Variants in NCOA7 observed in about 807,000 individuals in gnomAD.
NCOA7 encodes nuclear receptor coactivator 7.
Under a neutral mutation model 104.3 loss-of-function variants are expected in NCOA7, and 45 were observed. The ratio of observed to expected loss-of-function variants is 0.43; its 90% CI spans 0.34 to 0.55. NCOA7 has a LOEUF of 0.55. Ranked by LOEUF, NCOA7 falls within the 20% of genes least tolerant of loss-of-function variation. The pLI is 0.02. For missense variants in NCOA7, 1,041 were observed against 1,119.7 expected, an observed-to-expected ratio of 0.93 and a Z score of 1.00; for synonymous variants, 398 against 402.3, an observed-to-expected ratio of 0.99 and a Z score of 0.13.
Position 125,889,754 on chromosome 6 carries a change from C to T in NCOA7, c.1700C>T (p.Ala567Val), listed in dbSNP as rs569408777. ...ACCCTTAGTAGTTCTCTTTCCCAGG[C>T]GGGTGATCCCATAACTGAGGGCAAT... ...DITLSSSLSQAGDPITEGNKE... is the reference protein window; with the variant it reads ...DITLSSSLSQVGDPITEGNKE... Residue 567 changes from alanine to valine, a missense_variant, in exon 9 of 16, where the codon GCG becomes GTG. Around this residue, in one of 2 missense-constraint regions of NCOA7, gnomAD observed 914 missense variants for 942.7 expected, o/e 0.97. Coordinates refer to ENST00000392477, the MANE Select transcript of NCOA7 (RefSeq NM_181782.5). 4.4e-5 allele frequency: 71 copies of T among 1,612,194 alleles called. No individual in the cohort carries two copies. Among genetic ancestry groups the T allele is most frequent in the South Asian group, 2.6e-4 (24 of 90,740 alleles).
intron 3 of NCOA7, among the ~76,000 whole-genome samples, chr6:125,857,706 G>A (rs934482445): frequency 1.3e-5 from 2 of 151,944 alleles, no homozygotes; most frequent in African/African-American, 4.8e-5. Flanking sequence ...GATAACAGGT[G>A]CACACCATCA....
At chr6:125,803,197 A>T (rs2128555407) in intron 1 of NCOA7, among the ~76,000 whole-genome samples, 2 of 152,198 alleles carry the variant, frequency 1.3e-5, no homozygotes, top group East Asian at 3.9e-4. Flanking sequence ...GGGATGTCCC[A>T]CTTTTAAGAC....
chr6:125,881,874 A>G (rs182374422), intron 6 of NCOA7, among the ~76,000 whole-genome samples: 34 of 152,092 alleles, frequency 2.2e-4, no homozygotes, highest in Admixed American at 1.7e-3. Context: ...TGTGTGAGAC[A>G]GAGTCTTTCT....
intron 11 of NCOA7, among the ~76,000 whole-genome samples, chr6:125,916,194 C>G (rs886562852): frequency 6.6e-6 from 1 of 152,160 alleles, no homozygotes; most frequent in Non-Finnish European, 1.5e-5. Flanking sequence ...TGGCAGTTTC[C>G]GCTACGCTCG....
chr6:125,920,010 A>G (rs1294171940), intron 11 of NCOA7, among the ~76,000 whole-genome samples: 3 of 152,250 alleles, frequency 2.0e-5, no homozygotes. Context: ...AAGAAGCCTA[A>G]TATACACTCT....
intron 2 of NCOA7, among the ~76,000 whole-genome samples, chr6:125,851,216 A>G (rs2456108): frequency 0.24 from 36,976 of 151,932 alleles, 5,095 homozygotes; most frequent in African/African-American, 0.39. Flanking sequence ...CTGTCAACTG[A>G]GTAATGTACA....
chr6:125,823,178 C>CA (rs1554263540), intron 2 of NCOA7, among the ~76,000 whole-genome samples: 1 of 152,098 alleles, frequency 6.6e-6, no homozygotes, highest in East Asian at 1.9e-4. Flanking sequence ...TCAATCCCCC[C>CA]GCAAATGGAC....
Position 125,916,203 on chromosome 6 carries a change from C to T in NCOA7, c.2244+723C>T, listed in dbSNP as rs945251938. 2.6e-5 allele frequency among the ~76,000 whole-genome samples: 4 copies of T among 152,180 alleles called. No homozygotes were observed. In the East Asian group the frequency reaches 7.7e-4, roughly 29 times the overall value. On this transcript the variant is annotated intron_variant, in intron 11 of 15. Coordinates refer to ENST00000392477, the MANE Select transcript of NCOA7 (RefSeq NM_181782.5). ...TAAAAGTGGCAGTTTCCGCTACGCT[C>T]GCTCGCTCTCCTGCCGCCTTGTGAA...
At chr6:125,855,957 C>A (rs1781516312) in intron 3 of NCOA7, among the ~76,000 whole-genome samples, 2 of 152,108 alleles carry the variant, frequency 1.3e-5, no homozygotes, top group African/African-American at 4.8e-5. Context: ...TGAAATGAGT[C>A]CATAGTGTTA....
At position 125,889,542 on chromosome 6, in the gene NCOA7, G is replaced by A; in HGVS notation, c.1488G>A (p.Val496=). The A allele has an allele frequency of 6.2e-7, 1 of 1,614,002 alleles. No homozygotes were observed. Among genetic ancestry groups the A allele is most frequent in the Non-Finnish European group, 8.5e-7 (1 of 1,179,946 alleles). The change falls in exon 9 of 16, where the codon GTG becomes GTA. Residue 496 remains valine, a synonymous_variant. Coordinates refer to ENST00000392477, the MANE Select transcript of NCOA7 (RefSeq NM_181782.5). ...TCEKQDIMPE[V]DKQSGSPESR... is the part of the protein sequence containing the mutation. ...AGAAGCAAGATATAATGCCAGAAGT[G>A]GACAAGCAGTCTGGTTCGCCAGAAA...
intron 2 of NCOA7, among the ~76,000 whole-genome samples, chr6:125,833,454 G>A (rs552874913): frequency 7.2e-4 from 110 of 152,040 alleles, no homozygotes; most frequent in Non-Finnish European, 1.4e-3. Flanking sequence ...GGTGTGACAG[G>A]CTCCTGTAAT....
chr6:125,786,884 T>C (rs556067877), upstream of NCOA7, among the ~76,000 whole-genome samples: 8 of 152,192 alleles, frequency 5.3e-5, no homozygotes, highest in Non-Finnish European at 1.2e-4. Context: ...CAGGGGCTCA[T>C]GTCTGTAGTC....
intron 11 of NCOA7, among the ~76,000 whole-genome samples, chr6:125,917,128 T>G (rs140200671): frequency 8.5e-4 from 128 of 150,756 alleles, no homozygotes; most frequent in Non-Finnish European, 1.2e-3. Context: ...CCTGGGAATT[T>G]TAAAAAACTG....
At chr6:125,804,235 A>T (rs1776200016) in intron 1 of NCOA7, among the ~76,000 whole-genome samples, 1 of 152,244 alleles carries the variant, frequency 6.6e-6, no homozygotes, top group African/African-American at 2.4e-5. Flanking sequence ...TAGTATTAAA[A>T]TGAATTCCAG....
intron 10 of NCOA7, among the ~76,000 whole-genome samples, chr6:125,906,755 C>A (rs1243417260): frequency 6.6e-6 from 1 of 152,090 alleles, no homozygotes; most frequent in Non-Finnish European, 1.5e-5. Context: ...GCAGAGGGAT[C>A]AGAAGGGGAA....
At position 125,885,266 on chromosome 6, in the gene NCOA7, C is replaced by T; in HGVS notation, c.807C>T (p.Ile269=). ...IENGCEEYGL[I]CPMEEVVSIA... ...ATGGGTGTGAGGAGTATGGTCTCATCTGCCCCATGGAAGAGGTTGTTTCCA... is the reference window on the plus strand; with the variant it reads ...ATGGGTGTGAGGAGTATGGTCTCATTTGCCCCATGGAAGAGGTTGTTTCCA... Residue 269 remains isoleucine, a synonymous_variant, in exon 8 of 16, where the codon ATC becomes ATT. Coordinates refer to ENST00000392477, the MANE Select transcript of NCOA7 (RefSeq NM_181782.5). 1 of 1,614,086 alleles carries T rather than the reference C, an allele frequency of 6.2e-7. No homozygotes were observed. Among genetic ancestry groups the T allele is most frequent in the Non-Finnish European group, 8.5e-7 (1 of 1,179,950 alleles).
At chr6:125,888,682 A>C (rs181274275) in intron 8 of NCOA7, among the ~76,000 whole-genome samples, 1 of 152,238 alleles carries the variant, frequency 6.6e-6, no homozygotes. Context: ...CAATTCCATC[A>C]TGTGCTTCCA....
intron 2 of NCOA7, among the ~76,000 whole-genome samples, chr6:125,853,067 T>G (rs1415620969): frequency 6.6e-6 from 1 of 152,126 alleles, no homozygotes; most frequent in Non-Finnish European, 1.5e-5. Flanking sequence ...GAGCATGGGG[T>G]GTATTTTTAT....
chr6:125,911,313 C>G (rs1786529223), intron 10 of NCOA7, among the ~76,000 whole-genome samples: 1 of 152,338 alleles, frequency 6.6e-6, no homozygotes, highest in African/African-American at 2.4e-5. Flanking sequence ...ATTATGCAAG[C>G]CCTGCCTCAG....
Sources: allele counts gnomAD v4.1 joint callset (sites outside exome capture counted in the v4.1 genomes callset), GRCh38; gene constraint gnomAD v4.1.1; regional missense constraint gnomAD v4.1.1; transcripts MANE v1.5; gene names NCBI Gene and HGNC (gene_info 2026-07-23, HGNC 2026-07-21).